RARB: variants seen among roughly 807,000 people sequenced by gnomAD.
The protein encoded by RARB is retinoic acid receptor beta, also known as HBV-activated protein.
Under a neutral mutation model 51.9 loss-of-function variants are expected in RARB, and 17 were observed. The ratio of observed to expected loss-of-function variants is 0.33; its 90% CI spans 0.22 to 0.49. RARB has a LOEUF of 0.49. RARB is among the 20% of genes least tolerant of loss of function. The probability of loss-of-function intolerance (pLI) is 0.99; values close to 1 mark genes in which losing one functional copy is unlikely to be tolerated. For missense variants in RARB, 369 were observed against 550.8 expected (o/e 0.67, Z 3.30); for synonymous variants, 215 against 195.4 (o/e 1.10, Z -0.84).
chr3:25,550,411 T>A (rs1360237352), intron 3 of RARB, among the ~76,000 whole-genome samples: 1 of 152,098 alleles, frequency 6.6e-6, no homozygotes, highest in Non-Finnish European at 1.5e-5. Flanking sequence ...CACCAGGAGA[T>A]GCCTAGTGAG....
chr3:25,374,001 A>G (rs1434054881), intron 5 of RARB, among the ~76,000 whole-genome samples: 1 of 152,216 alleles, frequency 6.6e-6, no homozygotes, highest in African/African-American at 2.4e-5. Flanking sequence ...GCAGCTCATG[A>G]TTACATAAAA....
chr3:25,517,111 A>G (rs1306678566), intron 3 of RARB, among the ~76,000 whole-genome samples: 1 of 152,236 alleles, frequency 6.6e-6, no homozygotes, highest in Admixed American at 6.5e-5. Context: ...TATTTTAACA[A>G]GTTGATTGAA....
At chr3:25,419,934 A>C (rs1707811616) in intron 5 of RARB, among the ~76,000 whole-genome samples, 1 of 152,120 alleles carries the variant, frequency 6.6e-6, no homozygotes, top group Non-Finnish European at 1.5e-5. Flanking sequence ...CAAAAAACTA[A>C]TTTTGGAAGC....
At chr3:24,936,275 T>C (rs960946792) in intron 2 of RARB, among the ~76,000 whole-genome samples, 5 of 152,110 alleles carry the variant, frequency 3.3e-5, no homozygotes, top group African/African-American at 9.7e-5. Context: ...TTTTACAAAT[T>C]AGTATATTGA....
chr3:24,959,870 C>G (rs1696100605), intron 2 of RARB, among the ~76,000 whole-genome samples: 1 of 152,154 alleles, frequency 6.6e-6, no homozygotes. Flanking sequence ...TTCACAAGAA[C>G]CCTAGAAAAT....
chr3:25,312,155 A>G (rs1032932001), intron 5 of RARB, among the ~76,000 whole-genome samples: 10 of 152,214 alleles, frequency 6.6e-5, no homozygotes, highest in African/African-American at 2.4e-4. Context: ...GGGTAGAATC[A>G]GAGACGGAAG....
At chr3:24,866,044 G>C (rs1428986070) in intron 2 of RARB, among the ~76,000 whole-genome samples, 1 of 152,112 alleles carries the variant, frequency 6.6e-6, no homozygotes, top group Non-Finnish European at 1.5e-5. Context: ...CATTGGTCCT[G>C]AATGCCACAG....
chr3:24,949,392 A>G lies in RARB; in HGVS notation c.-380+90640A>G, dbSNP rs76339855. Among the ~76,000 whole-genome samples the G allele has an allele frequency of 4.9e-4, 75 of 152,324 alleles. No individual in the cohort carries two copies. In the East Asian group the frequency reaches 0.012, roughly 25 times the overall value. ...TATTGTACAAGTAGGTAGACCTTCA[A>G]TTCGCCTACTAAGAAGAGGGTGCAC... On this transcript the variant is annotated intron_variant, in intron 2 of 11. Transcript: ENST00000383772.
intron 1 of RARB, among the ~76,000 whole-genome samples, chr3:25,452,714 C>A (rs1403054984): frequency 6.6e-6 from 1 of 152,086 alleles, no homozygotes; most frequent in Non-Finnish European, 1.5e-5. Flanking sequence ...ATTTACATCT[C>A]ATTTATAAAG....
chr3:25,436,606 T>C, intron 1 of RARB, among the ~76,000 whole-genome samples: 1 of 152,036 alleles, frequency 6.6e-6, no homozygotes, highest in Non-Finnish European at 1.5e-5. Flanking sequence ...GCAGGGAAAG[T>C]TGGGGGATGC....
chr3:25,418,302 C>T (rs1048831306), intron 5 of RARB, among the ~76,000 whole-genome samples: 1 of 152,064 alleles, frequency 6.6e-6, no homozygotes, highest in Non-Finnish European at 1.5e-5. Context: ...TTGTCTATTT[C>T]TATCGAATGT....
intron 5 of RARB, among the ~76,000 whole-genome samples, chr3:25,345,711 G>A (rs1479962907): frequency 6.6e-6 from 1 of 151,628 alleles, no homozygotes; most frequent in African/African-American, 2.4e-5. Context: ...AAATTTAAGT[G>A]GAATTTAGGA....
chr3:24,926,592 G>A (rs1321739523), intron 2 of RARB, among the ~76,000 whole-genome samples: 5 of 152,012 alleles, frequency 3.3e-5, no homozygotes, highest in African/African-American at 9.7e-5. Flanking sequence ...GTGATGCTTC[G>A]AGGTGTTTGA....
chr3:24,920,612 T>G (rs1695198215), intron 2 of RARB, among the ~76,000 whole-genome samples: 3 of 152,186 alleles, frequency 2.0e-5, no homozygotes. Flanking sequence ...TCAGAACACT[T>G]GGCAGCTGCC....
rs565562444 is a variant in RARB at position 25,572,993 on chromosome 3, C to T, written c.609+3075C>T. On this transcript the variant is annotated intron_variant, in intron 4 of 7. Transcript: ENST00000330688. ...ACCGGGATTCCTACAGGATGGCTCACATGTGAGGCATTGCCACTCCTGCGA... is the reference window on the plus strand; with the variant it reads ...ACCGGGATTCCTACAGGATGGCTCATATGTGAGGCATTGCCACTCCTGCGA... Among the ~76,000 whole-genome samples the T allele has an allele frequency of 2.6e-5, 4 of 152,250 alleles. No homozygotes were observed. In the South Asian group the frequency reaches 8.3e-4, roughly 32 times the overall value.
At chr3:25,350,895 C>G (rs1019547482) in intron 5 of RARB, among the ~76,000 whole-genome samples, 3 of 152,136 alleles carry the variant, frequency 2.0e-5, no homozygotes, top group African/African-American at 4.8e-5. Context: ...TCTGCCAGTT[C>G]CCATGGTGTC....
chr3:25,569,714 C>T (rs1278984507), intron 3 of RARB, 44 bp from the exon 4 acceptor site: 9 of 1,589,464 alleles, frequency 5.7e-6, no homozygotes, highest in Admixed American at 1.7e-5. Context: ...GAGCACAGGC[C>T]CAGCCTTCAG....
intron 2 of RARB, among the ~76,000 whole-genome samples, chr3:24,923,983 T>C (rs73137228): frequency 0.018 from 2,812 of 152,262 alleles, 84 homozygotes; most frequent in African/African-American, 0.064. Context: ...TTTTACATAA[T>C]TAAATCTGTG....
At chr3:25,402,088 A>C (rs543170636) in intron 5 of RARB, among the ~76,000 whole-genome samples, 2 of 152,244 alleles carry the variant, frequency 1.3e-5, no homozygotes, top group East Asian at 1.9e-4. Flanking sequence ...AAAATTTTCA[A>C]CATATATATT....
Sources: allele counts gnomAD v4.1 joint callset (sites outside exome capture counted in the v4.1 genomes callset), GRCh38; gene constraint gnomAD v4.1.1; transcripts MANE v1.5; gene names NCBI Gene and HGNC (gene_info 2026-07-23, HGNC 2026-07-21).